MAGI2: variants seen among roughly 807,000 people sequenced by gnomAD.
The protein encoded by MAGI2 is membrane associated guanylate kinase, WW and PDZ domain containing 2, also known as membrane-associated guanylate kinase, WW and PDZ domain-containing protein 2.
Under a neutral mutation model 133.3 loss-of-function variants are expected in MAGI2, and 35 were observed. That is an observed-to-expected ratio of 0.26 (90% CI 0.20 to 0.35). The LOEUF is 0.35. MAGI2 is among the 10% of genes least tolerant of loss of function. The pLI, the probability that MAGI2 is intolerant of heterozygous loss-of-function variation, is 1.00. For synonymous variants in MAGI2, 729 were observed against 710.6 expected, an observed-to-expected ratio of 1.03 and a Z score of -0.41; for missense variants, 1,636 against 1,863.4, an observed-to-expected ratio of 0.88 and a Z score of 2.25.
intron 2 of MAGI2, among the ~76,000 whole-genome samples, chr7:78,696,682 G>GA (rs113620063): frequency 0.22 from 31,604 of 144,554 alleles, 3,734 homozygotes; most frequent in African/African-American, 0.33. Context: ...GCAAACTGAT[G>GA]AAAAAAAAAA....
At chr7:79,364,792 A>G (rs1842592909) in intron 1 of MAGI2, among the ~76,000 whole-genome samples, 1 of 152,046 alleles carries the variant, frequency 6.6e-6, no homozygotes, top group African/African-American at 2.4e-5. Context: ...GATCATAAAT[A>G]TATATGTAAA....
At chr7:79,345,111 A>G (rs1203000055) in intron 1 of MAGI2, among the ~76,000 whole-genome samples, 3 of 152,074 alleles carry the variant, frequency 2.0e-5, no homozygotes, top group Non-Finnish European at 4.4e-5. Flanking sequence ...AGTACCTCAG[A>G]ATGTCACCCT....
chr7:79,359,789 A>C (rs1163409068), intron 1 of MAGI2, among the ~76,000 whole-genome samples: 4 of 152,048 alleles, frequency 2.6e-5, no homozygotes, highest in African/African-American at 9.7e-5. Flanking sequence ...GCAAATAAAA[A>C]CAATCTTAGA....
intron 6 of MAGI2, among the ~76,000 whole-genome samples, chr7:78,461,627 G>A (rs1462776545): frequency 2.0e-5 from 3 of 151,938 alleles, no homozygotes; most frequent in African/African-American, 7.3e-5. Context: ...AAAAGAAACA[G>A]CAGGCCAGAC....
intron 1 of MAGI2, among the ~76,000 whole-genome samples, chr7:79,195,626 T>A (rs1002111699): frequency 6.6e-6 from 1 of 151,950 alleles, no homozygotes; most frequent in African/African-American, 2.4e-5. Flanking sequence ...TCAACTGCCT[T>A]TCTGCCCAGC....
chr7:78,419,436 G>A (rs1798595999), intron 6 of MAGI2, among the ~76,000 whole-genome samples: 1 of 151,644 alleles, frequency 6.6e-6, no homozygotes, highest in Non-Finnish European at 1.5e-5. Context: ...GGACTAATAA[G>A]GACAATGAAG....
intron 3 of MAGI2, among the ~76,000 whole-genome samples, chr7:78,621,037 T>C (rs1294388468): frequency 6.6e-6 from 1 of 151,896 alleles, no homozygotes; most frequent in East Asian, 1.9e-4. Context: ...GAATGTAAAA[T>C]CACAGACACC....
chr7:79,097,745 T>C (rs1490127905), intron 1 of MAGI2, among the ~76,000 whole-genome samples: 2 of 152,202 alleles, frequency 1.3e-5, no homozygotes, highest in East Asian at 3.8e-4. Flanking sequence ...CACACTATGA[T>C]GTATTATGTT....
At chr7:78,212,505 T>C (rs1295845762) in intron 10 of MAGI2, among the ~76,000 whole-genome samples, 1 of 152,210 alleles carries the variant, frequency 6.6e-6, no homozygotes, top group Non-Finnish European at 1.5e-5. Context: ...TGGAGGCCTC[T>C]GGAAGTGGAT....
At chr7:78,288,624 G>T (rs1448903379) in intron 9 of MAGI2, among the ~76,000 whole-genome samples, 3 of 152,200 alleles carry the variant, frequency 2.0e-5, no homozygotes, top group Non-Finnish European at 4.4e-5. Context: ...CATGGAGTTT[G>T]AGATCTGAGA....
chr7:79,304,181 A>ATGTGTGTGTGTGTGTGTGTGTGTGTG (rs373644525), intron 1 of MAGI2, among the ~76,000 whole-genome samples: 2 of 142,166 alleles, frequency 1.4e-5, no homozygotes, highest in Non-Finnish European at 1.5e-5. Flanking sequence ...TTCAACTGGG[A>ATGTGTGTGTGTGTGTGTGTGTGTGTG]TGTGTGTGTG....
At chr7:78,915,882 T>C (rs1798756103) in intron 2 of MAGI2, among the ~76,000 whole-genome samples, 2 of 152,028 alleles carry the variant, frequency 1.3e-5, no homozygotes, top group South Asian at 4.1e-4. Flanking sequence ...AGGGTCTCTC[T>C]GAGAAGGTGG....
chr7:78,049,514 G>A (rs572797119), intron 21 of MAGI2, among the ~76,000 whole-genome samples: 1 of 152,292 alleles, frequency 6.6e-6, no homozygotes, highest in South Asian at 2.1e-4. Context: ...GCAAATCATG[G>A]CTGAGAGCTC....
chr7:79,245,658 C>G (rs1832766388), intron 1 of MAGI2, among the ~76,000 whole-genome samples: 1 of 152,148 alleles, frequency 6.6e-6, no homozygotes, highest in Non-Finnish European at 1.5e-5. Context: ...GACTCTAGGC[C>G]TTAACTCCTA....
intron 1 of MAGI2, among the ~76,000 whole-genome samples, chr7:79,167,679 A>T (rs985984069): frequency 1.3e-5 from 2 of 151,990 alleles, no homozygotes; most frequent in African/African-American, 2.4e-5. Context: ...GCAGCATTTA[A>T]CACTCTTTAT....
chr7:78,220,135 A>G (rs539050116), intron 10 of MAGI2, among the ~76,000 whole-genome samples: 1 of 151,672 alleles, frequency 6.6e-6, no homozygotes, highest in Non-Finnish European at 1.5e-5. Flanking sequence ...TGTCTGCCCC[A>G]CTCCATTTGC....
chr7:78,985,129 A>G (rs1473820739), intron 2 of MAGI2, among the ~76,000 whole-genome samples: 2 of 151,942 alleles, frequency 1.3e-5, no homozygotes, highest in Non-Finnish European at 2.9e-5. Context: ...GGCCTCTCAA[A>G]GTGCTGGGAT....
intron 2 of MAGI2, among the ~76,000 whole-genome samples, chr7:78,630,281 C>A (rs991067088): frequency 9.9e-5 from 15 of 152,006 alleles, no homozygotes; most frequent in African/African-American, 3.6e-4. Context: ...ACTGCACATA[C>A]CACTTCCTGC....
At chr7:79,161,204 C>T (rs1358806502) in intron 1 of MAGI2, among the ~76,000 whole-genome samples, 11 of 151,804 alleles carry the variant, frequency 7.2e-5, no homozygotes, top group Admixed American at 7.2e-4. Context: ...TACCCCTTTC[C>T]AGTACTATAA....
Sources: allele counts gnomAD v4.1 joint callset (sites outside exome capture counted in the v4.1 genomes callset), GRCh38; gene constraint gnomAD v4.1.1; transcripts MANE v1.5; gene names NCBI Gene and HGNC (gene_info 2026-07-23, HGNC 2026-07-21).